The following CCDC57 variants were observed in gnomAD, a reference collection of about 807,000 sequenced individuals.
CCDC57 encodes the protein coiled-coil domain containing 57, also known as coiled-coil domain-containing protein 57.
A neutral mutation model predicts 118.9 loss-of-function variants in CCDC57; 118 were observed. The observed-to-expected ratio is 0.99, with a 90% CI of 0.86 to 1.16. CCDC57 has a LOEUF of 1.16. Ranked by LOEUF, CCDC57 falls within the 50% of genes most tolerant of loss-of-function variation. The pLI, the probability that CCDC57 is intolerant of heterozygous loss-of-function variation, is 0.00. For missense variants in CCDC57, 1,300 were observed against 1,320.7 expected, an observed-to-expected ratio of 0.98 and a Z score of 0.24; for synonymous variants, 527 against 532.9, an observed-to-expected ratio of 0.99 and a Z score of 0.15.
chr17:82,211,564 T>TG (rs2050181568), intron 1 of CCDC57, among the ~76,000 whole-genome samples: 1 of 150,896 alleles, frequency 6.6e-6, no homozygotes, highest in Non-Finnish European at 1.5e-5. Flanking sequence ...TTTTTTTTTT[T>TG]GAGACCGAGT....
intron 9 of CCDC57, among the ~76,000 whole-genome samples, chr17:82,180,977 G>A (rs1033683834): frequency 3.9e-4 from 60 of 152,296 alleles, no homozygotes; most frequent in African/African-American, 1.4e-3. Flanking sequence ...CGCGAGATGG[G>A]CCCACTCGCC....
chr17:82,153,781 G>A (rs1350948301), intron 15 of CCDC57: 4 of 152,264 alleles, frequency 2.6e-5, no homozygotes, highest in African/African-American at 9.6e-5. Flanking sequence ...CTGCCCCCAC[G>A]CCTAGGACTG....
intron 19 of CCDC57, chr17:82,126,599 G>T: frequency 3.0e-6 from 3 of 985,366 alleles, no homozygotes; most frequent in Non-Finnish European, 3.6e-6. Flanking sequence ...TGCTGCCACC[G>T]GCAAAAGTTC....
intron 14 of CCDC57, among the ~76,000 whole-genome samples, 189 bp downstream of exon 13, chr17:82,163,011 G>A (rs1032565228): frequency 1.3e-4 from 20 of 152,154 alleles, no homozygotes; most frequent in African/African-American, 4.6e-4. Context: ...CGCCTTCCAC[G>A]AGCACACCTG....
intron 13 of CCDC57, among the ~76,000 whole-genome samples, chr17:82,171,454 C>G (rs540072431): frequency 1.3e-5 from 2 of 148,590 alleles, no homozygotes; most frequent in African/African-American, 5.0e-5. Context: ...CAGTGAGGAG[C>G]CAGGGCACGT....
chr17:82,198,332 C>G (rs773936433), exon 4 of CCDC57: 1 of 1,613,026 alleles, frequency 6.2e-7, no homozygotes, highest in Non-Finnish European at 8.5e-7. Flanking sequence ...GCAGAGCAAG[C>G]TCACCGTCGA....
intron 3 of CCDC57, among the ~76,000 whole-genome samples, chr17:82,200,875 A>G (rs1005365260): frequency 1.3e-5 from 2 of 152,262 alleles, no homozygotes; most frequent in African/African-American, 4.8e-5. Flanking sequence ...GATCCTGTTA[A>G]GTGTAAACAG....
intron 8 of CCDC57, among the ~76,000 whole-genome samples, chr17:82,187,646 C>G (rs1471999335): frequency 3.5e-3 from 136 of 39,344 alleles, no homozygotes; most frequent in African/African-American, 0.016. Flanking sequence ...GGTCGGGGGT[C>G]ACTGGCAGGG....
At chr17:82,202,375 G>C (rs1262520492) in intron 2 of CCDC57, among the ~76,000 whole-genome samples, 1 of 152,040 alleles carries the variant, frequency 6.6e-6, no homozygotes, top group Non-Finnish European at 1.5e-5. Flanking sequence ...GGCTGAGGCA[G>C]GAGAATCGCT....
chr17:82,111,686 A>C (rs1429781191), intron 19 of CCDC57, among the ~76,000 whole-genome samples: 3 of 152,028 alleles, frequency 2.0e-5, no homozygotes, highest in Non-Finnish European at 4.4e-5. Context: ...GGCTCACTGC[A>C]ACCTCTAGCT....
intron 9 of CCDC57, among the ~76,000 whole-genome samples, chr17:82,181,856 G>A (rs1363292507): frequency 6.6e-6 from 1 of 152,192 alleles, no homozygotes; most frequent in Non-Finnish European, 1.5e-5. Flanking sequence ...GGTGGCTCAC[G>A]CCTGTCATCC....
Position 82,183,866 on chromosome 17 carries a change from CT to C in CCDC57, c.1118del (p.Glu373GlyfsTer17). The stretch of plus-strand genomic sequence containing the variant: ...GAATCTGAAGGTCTCTGGAGACCAT[CT>C]CCTTAGATAGTTGAGCAATTTGAGC... On this transcript the variant is annotated frameshift_variant, in exon 9 of 20. Transcript: ENST00000665763. LOFTEE classifies it high-confidence loss of function. The C allele has an allele frequency of 6.2e-7, 1 of 1,613,540 alleles. No homozygotes were observed. The highest frequency in any genetic ancestry group is 8.5e-7 in the Non-Finnish European group (1 of 1,179,722).
At chr17:82,201,459 G>C (rs1016661129) in intron 3 of CCDC57, 79 bp downstream of exon 2, 16 of 1,433,552 alleles carry the variant, frequency 1.1e-5, no homozygotes, top group Non-Finnish European at 1.5e-5. Flanking sequence ...GGCAGTGCTC[G>C]GGCAGCACAG....
rs543824120 is a variant in CCDC57, at chr17:82,180,176, G to A, written c.1212-987C>T. 3.9e-5 allele frequency among the ~76,000 whole-genome samples: 6 copies of A among 152,346 alleles called. No homozygotes were observed. The South Asian group carries it at 6.2e-4, about 16-fold the overall frequency. ...GGGCTGCGTGGCCAGGACTGAGGAC[G>A]CCGCTAGGGTGCAGAGTGACCCTGG... On this transcript the variant is annotated intron_variant, in intron 9 of 19. Transcript: ENST00000665763.
chr17:82,212,802 G>C lies in CCDC57; in HGVS notation c.-228C>G, dbSNP rs1286905717. Reference sequence around the variant, plus strand: ...CACCTCACCCTAACGCCCGCCAGCAGCGCTGGCCAGGTCCCGCCGCGTTGC... The same window carrying C: ...CACCTCACCCTAACGCCCGCCAGCACCGCTGGCCAGGTCCCGCCGCGTTGC... On this transcript the variant is annotated 5_prime_UTR_variant, in exon 1 of 20. Coordinates refer to ENST00000665763, the Ensembl canonical transcript of CCDC57. This position sits in a 1 kb window ranked among gnomAD's most constrained non-coding sequence, Gnocchi z 4.1. 1 of 140,692 alleles carries C rather than the reference G, an allele frequency of 7.1e-6. No homozygotes were observed. The highest frequency in any genetic ancestry group is 1.6e-5 in the Non-Finnish European group (1 of 64,108). 8.7% of individuals were successfully genotyped at this position (140,692 alleles called of 1,614,324 possible).
At chr17:82,204,351 G>A (rs1033891493) in intron 2 of CCDC57, among the ~76,000 whole-genome samples, 6 of 152,078 alleles carry the variant, frequency 3.9e-5, no homozygotes, top group South Asian at 2.1e-4. Context: ...CGTCCACCCC[G>A]TGTAATGATC....
At chr17:82,197,058 TGACTCCTGCAGAGACGCAGCCCCTC>T (rs2048394613) in intron 4 of CCDC57, among the ~76,000 whole-genome samples, 2 of 132,604 alleles carry the variant, frequency 1.5e-5, no homozygotes, top group Admixed American at 7.5e-5. Context: ...CAGCCCCTCG[TGACTCCTGCAGAGACGCAGCCCCTC>T]GTGACTCCTG....
rs2047795411 is a variant in CCDC57, at chr17:82,192,521, G to A, written c.851+1235C>T. Among the ~76,000 whole-genome samples the A allele has an allele frequency of 6.6e-6, 1 of 152,180 alleles. No homozygotes were observed. The highest frequency in any genetic ancestry group is 1.5e-5 in the Non-Finnish European group (1 of 68,036). On this transcript the variant is annotated intron_variant, in intron 7 of 19. Coordinates refer to ENST00000665763, the Ensembl canonical transcript of CCDC57. This position sits in a 1 kb window ranked among gnomAD's most constrained non-coding sequence, Gnocchi z 4.0. Reference sequence around the variant, plus strand: ...ATGATTTTGAAAAATGCCAGGTGTAGACTTAAAAACACACGAAGAGAAACA... The same window carrying A: ...ATGATTTTGAAAAATGCCAGGTGTAAACTTAAAAACACACGAAGAGAAACA...
chr17:82,103,541 A>G (rs1222616254), intron 19 of CCDC57, among the ~76,000 whole-genome samples: 1 of 151,774 alleles, frequency 6.6e-6, no homozygotes, highest in East Asian at 2.0e-4. Context: ...TCCTGCGGGG[A>G]AGCTGGTCCT....
Sources: allele counts gnomAD v4.1 joint callset (sites outside exome capture counted in the v4.1 genomes callset), GRCh38; gene constraint gnomAD v4.1.1; non-coding constraint Gnocchi (gnomAD v3.1); transcripts MANE v1.5; gene names NCBI Gene and HGNC (gene_info 2026-07-23, HGNC 2026-07-21).